Variants in HMCN1 observed in about 807,000 individuals in gnomAD.
HMCN1 encodes hemicentin-1.
Under a neutral mutation model 625.9 loss-of-function variants are expected in HMCN1, and 321 were observed. That is an observed-to-expected ratio of 0.51 (90% CI 0.47 to 0.56). The LOEUF is 0.56. HMCN1 is among the 20% of genes least tolerant of loss of function. HMCN1 has a pLI of 0.00. For missense variants in HMCN1, 6,588 were observed against 6,887.3 expected (o/e 0.96, Z 1.54); for synonymous variants, 2,425 against 2,417.6 (o/e 1.00, Z -0.09).
intron 89 of HMCN1, among the ~76,000 whole-genome samples, chr1:186,142,776 T>G (rs1650050244): frequency 6.6e-6 from 1 of 152,158 alleles, no homozygotes; most frequent in Non-Finnish European, 1.5e-5. Context: ...AAACCTGTAT[T>G]TATATGTAGT....
intron 1 of HMCN1, among the ~76,000 whole-genome samples, chr1:185,750,261 A>T (rs553265459): frequency 2.6e-5 from 4 of 152,258 alleles, no homozygotes; most frequent in Non-Finnish European, 2.9e-5. Context: ...GAAAGAATGA[A>T]TTTTTTGTAT....
chr1:185,765,260 G>A (rs1481185712), intron 1 of HMCN1, among the ~76,000 whole-genome samples: 1 of 152,016 alleles, frequency 6.6e-6, no homozygotes, highest in Non-Finnish European at 1.5e-5. Flanking sequence ...TTAGTGTTAT[G>A]GTAAACTAAA....
intron 4 of HMCN1, 81 bp downstream of exon 4, chr1:185,865,944 G>T (rs1226252214): frequency 2.1e-6 from 3 of 1,461,770 alleles, no homozygotes; most frequent in East Asian, 2.3e-5. Flanking sequence ...TGACAGATTT[G>T]ATTTCAAAAA....
intron 10 of HMCN1, among the ~76,000 whole-genome samples, chr1:185,930,907 TACACACACACACAC>T (rs3030426): frequency 1.8e-4 from 25 of 139,028 alleles, no homozygotes; most frequent in Non-Finnish European, 2.6e-4. Flanking sequence ...TTTCACCCAA[TACACACACACACAC>T]ACACACACAC....
intron 45 of HMCN1, among the ~76,000 whole-genome samples, chr1:186,057,030 G>GTC (rs56848613): frequency 0.01 from 972 of 94,954 alleles, 10 homozygotes; most frequent in African/African-American, 0.025. Flanking sequence ...TTCCAGGAAT[G>GTC]TCACACACAC....
intron 20 of HMCN1, among the ~76,000 whole-genome samples, chr1:185,988,257 C>G (rs1048045613): frequency 2.6e-5 from 4 of 152,178 alleles, no homozygotes; most frequent in Non-Finnish European, 4.4e-5. Context: ...TCATGTTGTT[C>G]AGCTTTTACT....
chr1:185,790,824 C>T (rs1310086073), intron 1 of HMCN1, among the ~76,000 whole-genome samples: 1 of 152,150 alleles, frequency 6.6e-6, no homozygotes, highest in African/African-American at 2.4e-5. Context: ...TTATGATTAA[C>T]TTTTTCTTCC....
chr1:185,904,577 C>A (rs536738617), intron 4 of HMCN1, among the ~76,000 whole-genome samples: 1 of 151,716 alleles, frequency 6.6e-6, no homozygotes, highest in Admixed American at 6.6e-5. Context: ...TGAAAATTGT[C>A]ATTTTTTTCC....
At chr1:186,013,842 T>G (rs1229537954) in intron 30 of HMCN1, among the ~76,000 whole-genome samples, 2 of 152,128 alleles carry the variant, frequency 1.3e-5, no homozygotes, top group African/African-American at 4.8e-5. Context: ...TGAGTCCATA[T>G]TGATATAAAT....
chr1:186,091,801 A>C (rs990233286), intron 64 of HMCN1, among the ~76,000 whole-genome samples: 2 of 152,014 alleles, frequency 1.3e-5, no homozygotes, highest in Non-Finnish European at 1.5e-5. Context: ...TGTAAATTTA[A>C]GGGTTTGGAG....
chr1:186,159,528 T>C (rs1469513037), intron 97 of HMCN1, among the ~76,000 whole-genome samples: 2 of 152,162 alleles, frequency 1.3e-5, no homozygotes, highest in African/African-American at 2.4e-5. Flanking sequence ...CCAGTTTTTG[T>C]CCATTCAGTA....
At chr1:186,171,535 G>C (rs76087625) in intron 101 of HMCN1, 85 bp downstream of exon 101, 1 of 1,062,094 alleles carries the variant, frequency 9.4e-7, no homozygotes, top group African/African-American at 1.6e-5. Context: ...ACTGTGTCTT[G>C]GTACTGGTTC....
At chr1:185,925,003 T>C in intron 8 of HMCN1, 44 bp from the exon 9 acceptor site, 1 of 1,536,958 alleles carries the variant, frequency 6.5e-7, no homozygotes, top group African/African-American at 1.4e-5. Flanking sequence ...CATTGTGACC[T>C]TCTTGCTTAA....
At position 186,065,346 on chromosome 1, in the gene HMCN1, A is replaced by G; in HGVS notation, c.7622A>G (p.Gln2541Arg). The change falls in exon 49 of 107, where the codon CAG becomes CGG. Residue 2541 changes from glutamine (Q) to arginine (R), a missense_variant. By Grantham distance (43) the Gln-to-Arg change is conservative. Around this residue, in one of 3 missense-constraint regions of HMCN1, gnomAD observed 4,628 missense variants for 4,853.1 expected, o/e 0.95. Coordinates refer to ENST00000271588, the MANE Select transcript of HMCN1 (RefSeq NM_031935.3). The stretch of plus-strand genomic sequence containing the variant: ...CGTTTTCTTCAAATTACCAATGTCC[A>G]GGTGCCACACACTGGAAGATATACA... Reference protein sequence around the residue: ...GGRFLQITNVQVPHTGRYTCL... With the variant: ...GGRFLQITNVRVPHTGRYTCL... 6.2e-7 allele frequency: 1 copy of G among 1,612,498 alleles called. No homozygotes were observed.
intron 75 of HMCN1, among the ~76,000 whole-genome samples, chr1:186,116,265 C>A (rs1661129227): frequency 6.6e-6 from 1 of 151,926 alleles, no homozygotes; most frequent in Non-Finnish European, 1.5e-5. Context: ...TTTATTAAAT[C>A]ATTTCTATCA....
intron 4 of HMCN1, among the ~76,000 whole-genome samples, chr1:185,873,142 ACT>A (rs1328585635): frequency 6.6e-6 from 1 of 152,148 alleles, no homozygotes; most frequent in East Asian, 1.9e-4. Context: ...TATTTAGCTG[ACT>A]CTATTTTGAT....
chr1:186,046,946 G>A (rs1656614912), intron 41 of HMCN1, among the ~76,000 whole-genome samples: 1 of 152,126 alleles, frequency 6.6e-6, no homozygotes, highest in Admixed American at 6.6e-5. Context: ...CTGAAAGACA[G>A]AAATTGGATT....
intron 52 of HMCN1, among the ~76,000 whole-genome samples, chr1:186,071,794 C>T (rs982615146): frequency 2.0e-5 from 3 of 152,172 alleles, no homozygotes; most frequent in African/African-American, 7.2e-5. Flanking sequence ...TCTTTTCTGA[C>T]TACAAGCACA....
intron 1 of HMCN1, among the ~76,000 whole-genome samples, chr1:185,759,140 G>A (rs1250749775): frequency 2.0e-5 from 3 of 152,126 alleles, no homozygotes; most frequent in African/African-American, 7.2e-5. Flanking sequence ...CCTGTTTTTT[G>A]TGCTGTCTGT....
Sources: allele counts gnomAD v4.1 joint callset (sites outside exome capture counted in the v4.1 genomes callset), GRCh38; gene constraint gnomAD v4.1.1; regional missense constraint gnomAD v4.1.1; transcripts MANE v1.5; gene names NCBI Gene and HGNC (gene_info 2026-07-23, HGNC 2026-07-21).